Variants in PTP4A1 observed in about 807,000 individuals in gnomAD.
PTP4A1 encodes protein tyrosine phosphatase 4A1, also known as protein tyrosine phosphatase type IVA 1.
In PTP4A1, 9 loss-of-function variants were observed where a neutral mutation model predicts 20.5. The observed-to-expected ratio is 0.44, with a 90% CI of 0.26 to 0.77. PTP4A1 has a LOEUF of 0.77. PTP4A1 is among the 30% of genes least tolerant of loss of function. The probability of loss-of-function intolerance (pLI) is 0.19; values close to 1 mark genes in which losing one functional copy is unlikely to be tolerated. For missense variants in PTP4A1, 137 were observed against 218.8 expected, an observed-to-expected ratio of 0.63 and a Z score of 2.36; for synonymous variants, 78 against 67.4, an observed-to-expected ratio of 1.16 and a Z score of -0.77.
chr6:63,560,713 A>T (rs1776909122), intron 3 of PTP4A1, among the ~76,000 whole-genome samples: 1 of 152,148 alleles, frequency 6.6e-6, no homozygotes, highest in African/African-American at 2.4e-5. Context: ...CACAAAGCCT[A>T]ATTTTTGAAA....
intron 2 of PTP4A1, among the ~76,000 whole-genome samples, chr6:63,540,877 C>A (rs1429774211): frequency 6.6e-6 from 1 of 151,218 alleles, no homozygotes. Flanking sequence ...GTGGCGGTCA[C>A]CTATAATCCC....
chr6:63,544,260 A>G (rs1468764969), intron 2 of PTP4A1, among the ~76,000 whole-genome samples: 1 of 152,120 alleles, frequency 6.6e-6, no homozygotes, highest in African/African-American at 2.4e-5. Context: ...ATTCCTGCCT[A>G]TTTTCACTCA....
In PTP4A1 at chr6:63,538,720, C is replaced by T. The variant is rs183645650; in HGVS notation, c.-640+10636C>T. On this transcript the variant is annotated intron_variant, in intron 2 of 3. Transcript: ENST00000639568. ...CAATAGTTCAAAACATTTAGCTGTC[C>T]CAGAATCACATGGAAGGCTTGTTAA... is the stretch of plus-strand genomic sequence containing the variant. Among the ~76,000 whole-genome samples the T allele has an allele frequency of 1.6e-4, 25 of 152,078 alleles. No homozygotes were observed. In the East Asian group the frequency reaches 4.4e-3, roughly 27 times the overall value.
chr6:63,549,647 C>G (rs1776349563), intron 2 of PTP4A1: 1 of 476,134 alleles, frequency 2.1e-6, no homozygotes. Flanking sequence ...GGAATCCTGT[C>G]ATTGGCAGTA....
chr6:63,518,241 A>G (rs79730761), upstream of PTP4A1, among the ~76,000 whole-genome samples: 357 of 151,130 alleles, frequency 2.4e-3, no homozygotes, highest in African/African-American at 8.3e-3. Flanking sequence ...CCATAACTTT[A>G]TTGCTGCCAG....
At chr6:63,577,240 T>TA (rs1777926851) in intron 2 of PTP4A1, among the ~76,000 whole-genome samples, 1 of 152,170 alleles carries the variant, frequency 6.6e-6, no homozygotes, top group Non-Finnish European at 1.5e-5. Context: ...GTATAGCTCT[T>TA]ACTTATCTTG....
chr6:63,580,231 T>TA lies in PTP4A1; in HGVS notation c.*58dup. 3.8e-6 allele frequency: 5 copies of TA among 1,329,202 alleles called. No individual in the cohort carries two copies. Among genetic ancestry groups the TA allele is most frequent in the African/African-American group, 1.5e-5 (1 of 68,770 alleles). The allele number at this position is 1,329,202 out of a possible 1,614,324, so 82.3% of individuals were successfully genotyped here. A position where few individuals can be genotyped will look rare whatever the true frequency, so the allele number is the denominator to read the frequency against. ...ACTTGAGATAGGGCCTAATTTGTTATACATATTAGCCAACATGTTGGCTTA... is the reference window on the plus strand; with the variant it reads ...ACTTGAGATAGGGCCTAATTTGTTATAACATATTAGCCAACATGTTGGCTTA... On this transcript the variant is annotated 3_prime_UTR_variant, in exon 6 of 6. Coordinates refer to ENST00000626021, the MANE Select transcript of PTP4A1 (RefSeq NM_003463.5).
At chr6:63,548,995 C>T in intron 2 of PTP4A1, 1 of 731,520 alleles carries the variant, frequency 1.4e-6, no homozygotes, top group South Asian at 1.4e-5. Context: ...TGACACAGGG[C>T]AGGCAAGAAG....
the PTP4A1 span, among the ~76,000 whole-genome samples, chr6:63,516,490 C>A: frequency 2.0e-5 from 3 of 152,184 alleles, no homozygotes; most frequent in African/African-American, 7.2e-5. Flanking sequence ...AATGATCTAG[C>A]TTTGAATCTT....
intron 2 of PTP4A1, among the ~76,000 whole-genome samples, chr6:63,550,075 T>C (rs1000832878): frequency 9.2e-5 from 14 of 152,194 alleles, no homozygotes; most frequent in African/African-American, 3.4e-4. Flanking sequence ...CCATAATATG[T>C]GCAATTATTA....
intron 3 of PTP4A1, among the ~76,000 whole-genome samples, chr6:63,555,918 T>G (rs1321274702): frequency 2.0e-5 from 3 of 152,218 alleles, no homozygotes; most frequent in African/African-American, 7.2e-5. Context: ...GGCGAACTCC[T>G]GGCCTCAAGT....
At chr6:63,524,159 G>C (rs1581906914) in intron 1 of PTP4A1, among the ~76,000 whole-genome samples, 1 of 151,996 alleles carries the variant, frequency 6.6e-6, no homozygotes. Context: ...TAATTTTTGT[G>C]TTTTGAGTAG....
At chr6:63,519,945 A>G (rs1774862099), upstream of PTP4A1, among the ~76,000 whole-genome samples, 1 of 152,254 alleles carries the variant, frequency 6.6e-6, no homozygotes, top group Non-Finnish European at 1.5e-5. Flanking sequence ...ACACATTAAA[A>G]TTCAGTAGAT....
chr6:63,548,588 A>G, intron 2 of PTP4A1: 1 of 301,166 alleles, frequency 3.3e-6, no homozygotes, highest in Admixed American at 4.4e-5. Context: ...ACCAGGGTAC[A>G]TGGTAGAAAT....
intron 3 of PTP4A1, chr6:63,550,575 A>T (rs1056814502): frequency 1.3e-5 from 2 of 151,990 alleles, no homozygotes; most frequent in African/African-American, 4.8e-5. Context: ...TGTGATTAGG[A>T]GGTTTGTTTT....
At position 63,572,522 on chromosome 6, in the gene PTP4A1, G is replaced by T. The variant is rs528563105; in HGVS notation, c.-643G>T. 2.6e-6 allele frequency: 1 copy of T among 392,048 alleles called. No individual in the cohort carries two copies. The highest frequency in any genetic ancestry group is 2.1e-5 in the African/African-American group (1 of 48,202). The allele number at this position is 392,048 out of a possible 1,614,324, so 24.3% of individuals were successfully genotyped here. A position where few individuals can be genotyped will look rare whatever the true frequency, so the allele number is the denominator to read the frequency against. On this transcript the variant is annotated 5_prime_UTR_variant, in exon 1 of 6. Coordinates refer to ENST00000626021, the MANE Select transcript of PTP4A1 (RefSeq NM_003463.5). ...GGCTCCTTCGGCTGCGGGCCGGCTC[G>T]GCTACGCGCTCTGCTCCGAGCCGCT...
chr6:63,539,636 G>A (rs879332479), intron 2 of PTP4A1, among the ~76,000 whole-genome samples: 28 of 152,132 alleles, frequency 1.8e-4, no homozygotes, highest in Middle Eastern at 3.2e-3. Flanking sequence ...ATATTAGCCA[G>A]GCTGTGCCTG....
At chr6:63,522,116 A>G (rs1190978169) in intron 1 of PTP4A1, among the ~76,000 whole-genome samples, 2 of 152,284 alleles carry the variant, frequency 1.3e-5, no homozygotes, top group East Asian at 1.9e-4. Context: ...ACATAGGTGA[A>G]TCCTTGTCTT....
At chr6:63,562,870 T>C (rs187472034) in intron 3 of PTP4A1, among the ~76,000 whole-genome samples, 1 of 152,348 alleles carries the variant, frequency 6.6e-6, no homozygotes, top group Non-Finnish European at 1.5e-5. Flanking sequence ...ATATTGCTAA[T>C]GAAAATGTGA....
Sources: allele counts gnomAD v4.1 joint callset (sites outside exome capture counted in the v4.1 genomes callset), GRCh38; gene constraint gnomAD v4.1.1; transcripts MANE v1.5; gene names NCBI Gene and HGNC (gene_info 2026-07-23, HGNC 2026-07-21).